Variants in CMSS1 observed in about 807,000 individuals in gnomAD.
The protein encoded by CMSS1 is cms1 ribosomal small subunit homolog.
CMSS1 carries 33 observed loss-of-function variants against 43.5 expected under a neutral mutation model. That is an observed-to-expected ratio of 0.76 (90% CI 0.57 to 1.01). The LOEUF is 1.01. CMSS1 is among the 50% of genes least tolerant of loss of function. The pLI is 0.00. For synonymous variants in CMSS1, 115 were observed against 117.2 expected, an observed-to-expected ratio of 0.98 and a Z score of 0.12; for missense variants, 313 against 326.4, an observed-to-expected ratio of 0.96 and a Z score of 0.32.
chr3:99,996,120 A>G (rs752250576), intron 1 of CMSS1, among the ~76,000 whole-genome samples: 12 of 152,192 alleles, frequency 7.9e-5, no homozygotes, highest in Non-Finnish European at 1.5e-4. Context: ...CTTCCCTTAC[A>G]AAACTGAATG....
At chr3:99,944,878 C>T (rs971057223) in intron 1 of CMSS1, among the ~76,000 whole-genome samples, 2 of 152,088 alleles carry the variant, frequency 1.3e-5, no homozygotes, top group African/African-American at 2.4e-5. Context: ...CATAGATCAC[C>T]AGGGAGAAAG....
At chr3:100,110,451 G>T (rs1322078778) in intron 1 of CMSS1, among the ~76,000 whole-genome samples, 1 of 152,034 alleles carries the variant, frequency 6.6e-6, no homozygotes, top group Admixed American at 6.6e-5. Flanking sequence ...TCAAGTGATT[G>T]TCCCTGGATC....
chr3:100,133,081 A>G (rs2066723156), intron 1 of CMSS1, among the ~76,000 whole-genome samples: 3 of 152,112 alleles, frequency 2.0e-5, no homozygotes, highest in Admixed American at 2.0e-4. Context: ...TTTTTCTTCT[A>G]GAAATCTATT....
intron 1 of CMSS1, among the ~76,000 whole-genome samples, chr3:100,013,212 A>AGGTGTT (rs1553705410): frequency 6.3e-5 from 8 of 127,414 alleles, no homozygotes; most frequent in African/African-American, 2.4e-4. Flanking sequence ...AAGGCCAGTG[A>AGGTGTT]GGTGTTGTTG....
chr3:100,123,843 G>A (rs1194576560), intron 1 of CMSS1, among the ~76,000 whole-genome samples: 1 of 152,162 alleles, frequency 6.6e-6, no homozygotes, highest in Non-Finnish European at 1.5e-5. Context: ...TCACTTTGCA[G>A]GTTGGTTAAA....
chr3:100,077,712 C>T (rs991988383), intron 1 of CMSS1, among the ~76,000 whole-genome samples: 2 of 152,142 alleles, frequency 1.3e-5, no homozygotes, highest in Admixed American at 1.3e-4. Flanking sequence ...TAGTTCAAGA[C>T]CAGCCTGGGC....
chr3:99,993,274 A>G lies in CMSS1; in HGVS notation c.65-153699A>G, dbSNP rs539302199. Among the ~76,000 whole-genome samples, 4 of 152,188 alleles carry G rather than the reference A, an allele frequency of 2.6e-5. No individual in the cohort carries two copies. The East Asian group carries it at 5.8e-4, about 22-fold the overall frequency. ...TTTAATAATATTGATTCTTCAATCT[A>G]TGAGCATGGATGTTTTTTCATTTGT... On this transcript the variant is annotated intron_variant, in intron 1 of 9. Transcript: ENST00000421999.
At chr3:100,156,650 C>T (rs1239914484) in intron 2 of CMSS1, among the ~76,000 whole-genome samples, 1 of 151,432 alleles carries the variant, frequency 6.6e-6, no homozygotes, top group Non-Finnish European at 1.5e-5. Context: ...GAGTCTCGCT[C>T]TGTCGCCCGG....
intron 1 of CMSS1, among the ~76,000 whole-genome samples, chr3:100,087,926 G>A (rs1018853892): frequency 6.0e-5 from 9 of 150,882 alleles, no homozygotes; most frequent in African/African-American, 2.2e-4. Context: ...CACCTCCAGG[G>A]TTCAAGCAAT....
chr3:100,176,231 T>C lies in CMSS1; in HGVS notation c.668-96T>C, dbSNP rs547245062. ...TTAGTTACTGGGGGAGAGGACAACA[T>C]ATGAGACAAAAAGTAACCCGGAGAA... On this transcript the variant is annotated intron_variant, in intron 8 of 9. Transcript: ENST00000421999. The C allele has an allele frequency of 2.6e-5, 21 of 811,508 alleles. No homozygotes were observed. The African/African-American group carries it at 3.6e-4, about 14-fold the overall frequency. The allele number at this position is 811,508 out of a possible 1,614,324, so 50.3% of individuals were successfully genotyped here.
chr3:99,886,841 A>G (rs1705915496), intron 1 of CMSS1, among the ~76,000 whole-genome samples: 1 of 151,720 alleles, frequency 6.6e-6, no homozygotes, highest in South Asian at 2.1e-4. Flanking sequence ...ATGGTGGTGG[A>G]CACCTGTAAT....
chr3:99,914,523 T>C (rs950894396), intron 1 of CMSS1, among the ~76,000 whole-genome samples: 34 of 152,250 alleles, frequency 2.2e-4, no homozygotes, highest in Non-Finnish European at 4.4e-5. Flanking sequence ...CTTTATACTC[T>C]TTACAACATC....
chr3:100,136,187 G>A (rs867647569), intron 1 of CMSS1, among the ~76,000 whole-genome samples: 5 of 152,300 alleles, frequency 3.3e-5, no homozygotes, highest in South Asian at 4.1e-4. Context: ...GAGAAGAAGA[G>A]ATCTTAAGGA....
chr3:99,837,838 A>T (rs1942963371), intron 1 of CMSS1, among the ~76,000 whole-genome samples: 1 of 152,188 alleles, frequency 6.6e-6, no homozygotes, highest in Admixed American at 6.5e-5. Context: ...ATCACACCAA[A>T]TGTGGCCTAA....
intron 1 of CMSS1, among the ~76,000 whole-genome samples, chr3:99,891,995 C>T (rs1449886642): frequency 1.3e-5 from 2 of 152,104 alleles, no homozygotes; most frequent in African/African-American, 4.8e-5. Context: ...AATAATTTTT[C>T]TGATTTTTTC....
intron 1 of CMSS1, among the ~76,000 whole-genome samples, chr3:99,824,439 A>C (rs1307896996): frequency 1.3e-5 from 2 of 152,258 alleles, no homozygotes; most frequent in Non-Finnish European, 2.9e-5. Context: ...GTAGACTGTA[A>C]GAGCTCCATG....
chr3:99,930,162 T>G (rs564525800), intron 1 of CMSS1: 28 of 738,816 alleles, frequency 3.8e-5, no homozygotes, highest in Admixed American at 8.6e-5. Context: ...TTTCACACTT[T>G]TATAAAAGGT....
intron 1 of CMSS1, among the ~76,000 whole-genome samples, chr3:99,875,882 G>T (rs1050738049): frequency 1.3e-5 from 2 of 152,204 alleles, no homozygotes; most frequent in Non-Finnish European, 2.9e-5. Flanking sequence ...CTCCTCCAGA[G>T]AAAACTTCTA....
At chr3:100,069,472 C>G (rs1411603950) in intron 1 of CMSS1, among the ~76,000 whole-genome samples, 1 of 152,064 alleles carries the variant, frequency 6.6e-6, no homozygotes. Flanking sequence ...TGTTCCAGAC[C>G]TTTCTTTTTG....
Sources: gnomAD v4.1 joint callset for allele counts (sites outside exome capture counted in the v4.1 genomes callset) on GRCh38, gnomAD v4.1.1 for gene constraint, MANE v1.5 for transcripts, NCBI Gene and HGNC (gene_info 2026-07-23, HGNC 2026-07-21) for gene names.